Variants in ZNF704 observed in about 807,000 individuals in gnomAD.
The protein encoded by ZNF704 is zinc finger protein 704, also known as glucocorticoid induced gene 1.
ZNF704 carries 10 observed loss-of-function variants against 44.7 expected under a neutral mutation model. That is an observed-to-expected ratio of 0.22 (90% CI 0.14 to 0.38). The LOEUF is 0.38. Among genes scored for constraint, ZNF704 ranks in the 10% least tolerant of loss-of-function variants. The pLI, the probability that ZNF704 is intolerant of heterozygous loss-of-function variation, is 1.00. For synonymous variants in ZNF704, 211 were observed against 207.6 expected (o/e 1.02, Z -0.14); for missense variants, 390 against 545.5 (o/e 0.71, Z 2.84).
intron 2 of ZNF704, among the ~76,000 whole-genome samples, chr8:80,775,869 A>C (rs1203190259): frequency 1.3e-5 from 2 of 152,206 alleles, no homozygotes; most frequent in African/African-American, 4.8e-5. Context: ...AGAGGGAAAA[A>C]CATATACTAC....
At chr8:80,707,982 G>A (rs1253050632) in intron 2 of ZNF704, among the ~76,000 whole-genome samples, 1 of 152,136 alleles carries the variant, frequency 6.6e-6, no homozygotes, top group Non-Finnish European at 1.5e-5. Context: ...CCGTCTGGAG[G>A]ATTCTCATAC....
intron 1 of ZNF704, among the ~76,000 whole-genome samples, chr8:80,867,721 T>C (rs1437232829): frequency 6.6e-6 from 1 of 152,222 alleles, no homozygotes; most frequent in Non-Finnish European, 1.5e-5. Context: ...TGCTGCACAG[T>C]TCCTGCCAAA....
At chr8:80,745,610 T>C (rs1409997154) in intron 2 of ZNF704, among the ~76,000 whole-genome samples, 1 of 152,214 alleles carries the variant, frequency 6.6e-6, no homozygotes, top group Non-Finnish European at 1.5e-5. Flanking sequence ...CTCTATAAAA[T>C]GTACAATCAA....
chr8:80,876,326 A>G (rs1222032137), upstream of ZNF704, among the ~76,000 whole-genome samples: 2 of 152,224 alleles, frequency 1.3e-5, no homozygotes, highest in Admixed American at 1.3e-4. Flanking sequence ...GGGCTAGCCA[A>G]TAAGTGAATA....
intron 4 of ZNF704, among the ~76,000 whole-genome samples, chr8:80,684,186 A>G (rs1281670058): frequency 6.6e-6 from 1 of 152,200 alleles, no homozygotes; most frequent in East Asian, 1.9e-4. Context: ...GAATCTTTTG[A>G]TTTCCAATCA....
At chr8:80,698,405 T>C (rs1217655238) in intron 2 of ZNF704, among the ~76,000 whole-genome samples, 1 of 151,986 alleles carries the variant, frequency 6.6e-6, no homozygotes, top group African/African-American at 2.4e-5. Flanking sequence ...AGGCTTCCTT[T>C]AAAAAGGAAA....
chr8:80,827,707 C>A (rs1808402090), intron 1 of ZNF704, among the ~76,000 whole-genome samples: 1 of 152,220 alleles, frequency 6.6e-6, no homozygotes, highest in Admixed American at 6.5e-5. Flanking sequence ...CAGCATGGTG[C>A]TGGTACCAAA....
intron 2 of ZNF704, among the ~76,000 whole-genome samples, chr8:80,695,753 TACC>T (rs1257181548): frequency 1.3e-5 from 2 of 152,256 alleles, no homozygotes; most frequent in African/African-American, 2.4e-5. Context: ...TGCGAAAATC[TACC>T]ACATTTCAAA....
chr8:80,855,141 G>C (rs534811124), intron 1 of ZNF704, among the ~76,000 whole-genome samples: 1 of 152,136 alleles, frequency 6.6e-6, no homozygotes, highest in African/African-American at 2.4e-5. Flanking sequence ...TATATCGTCT[G>C]TACCCAGCAA....
intron 1 of ZNF704, among the ~76,000 whole-genome samples, chr8:80,845,576 A>G (rs1404388254): frequency 6.6e-6 from 1 of 152,236 alleles, no homozygotes; most frequent in East Asian, 1.9e-4. Context: ...CGAAGAAATT[A>G]TCAGTCTTAA....
chr8:80,703,438 AT>A (rs1818844375), intron 2 of ZNF704, among the ~76,000 whole-genome samples: 1 of 151,938 alleles, frequency 6.6e-6, no homozygotes, highest in South Asian at 2.1e-4. Flanking sequence ...GCATCTTTTT[AT>A]TCCCAACTTC....
At chr8:80,775,427 T>G (rs572262624) in intron 2 of ZNF704, among the ~76,000 whole-genome samples, 1 of 152,218 alleles carries the variant, frequency 6.6e-6, no homozygotes. Context: ...CTTACTATAT[T>G]CACAATGGTG....
At chr8:80,804,212 C>T (rs1191764771) in intron 2 of ZNF704, among the ~76,000 whole-genome samples, 1 of 152,106 alleles carries the variant, frequency 6.6e-6, no homozygotes, top group Non-Finnish European at 1.5e-5. Context: ...AAAAGGAATG[C>T]TTTTACACTG....
intron 2 of ZNF704, among the ~76,000 whole-genome samples, chr8:80,763,133 C>T (rs1024776813): frequency 2.6e-5 from 4 of 152,178 alleles, no homozygotes; most frequent in East Asian, 1.9e-4. Flanking sequence ...TCTAGGTGCA[C>T]GGTGCCAGCT....
At chr8:80,872,495 G>GT (rs893574829) in intron 1 of ZNF704, among the ~76,000 whole-genome samples, 12 of 151,926 alleles carry the variant, frequency 7.9e-5, no homozygotes, top group East Asian at 1.9e-4. Flanking sequence ...CTGTTCATGA[G>GT]TTTTTTTTCT....
At chr8:80,795,259 T>C (rs1301443380) in intron 2 of ZNF704, among the ~76,000 whole-genome samples, 1 of 152,230 alleles carries the variant, frequency 6.6e-6, no homozygotes, top group Non-Finnish European at 1.5e-5. Flanking sequence ...TAAAAAATAT[T>C]GTTCACCCTG....
At chr8:80,747,116 A>G (rs1419730739) in intron 2 of ZNF704, among the ~76,000 whole-genome samples, 1 of 151,954 alleles carries the variant, frequency 6.6e-6, no homozygotes, top group Non-Finnish European at 1.5e-5. Context: ...GCTTGAAGAA[A>G]CTGGGTACTT....
chr8:80,820,929 A>C (rs910121146), intron 2 of ZNF704, among the ~76,000 whole-genome samples: 1 of 152,126 alleles, frequency 6.6e-6, no homozygotes, highest in Admixed American at 6.5e-5. Context: ...AAAAAAAGTA[A>C]AACCATTCTT....
At chr8:80,762,084 C>T (rs137935067) in intron 2 of ZNF704, among the ~76,000 whole-genome samples, 7 of 152,212 alleles carry the variant, frequency 4.6e-5, no homozygotes, top group African/African-American at 1.7e-4. Context: ...TGTGATAATG[C>T]ACTTTTGTGA....
Sources: gnomAD v4.1 joint callset for allele counts (sites outside exome capture counted in the v4.1 genomes callset) on GRCh38, gnomAD v4.1.1 for gene constraint, MANE v1.5 for transcripts, NCBI Gene and HGNC (gene_info 2026-07-23, HGNC 2026-07-21) for gene names.